The following GUCY1A2 variants were observed in gnomAD, a reference collection of about 807,000 sequenced individuals.
GUCY1A2 encodes the protein guanylate cyclase 1 soluble subunit alpha 2, also known as guanylate cyclase soluble subunit alpha-2.
A neutral mutation model predicts 63.5 loss-of-function variants in GUCY1A2; 27 were observed. The ratio of observed to expected loss-of-function variants is 0.43; its 90% CI spans 0.31 to 0.59. GUCY1A2 has a LOEUF of 0.59. Ranked by LOEUF, GUCY1A2 falls within the 20% of genes least tolerant of loss-of-function variation. The pLI, the probability that GUCY1A2 is intolerant of heterozygous loss-of-function variation, is 0.11. For missense variants in GUCY1A2, 768 were observed against 913.3 expected (o/e 0.84, Z 2.05); for synonymous variants, 364 against 343.5 (o/e 1.06, Z -0.66).
chr11:106,903,107 GATAAA>G (rs1257237548), intron 4 of GUCY1A2, among the ~76,000 whole-genome samples: 2 of 150,454 alleles, frequency 1.3e-5, no homozygotes, highest in African/African-American at 4.8e-5. Flanking sequence ...AACTTCTAAG[GATAAA>G]ATAAATATGT....
chr11:106,997,484 G>A (rs1441099472), intron 1 of GUCY1A2, among the ~76,000 whole-genome samples: 6 of 152,036 alleles, frequency 3.9e-5, no homozygotes, highest in Admixed American at 3.9e-4. Context: ...TCTAACACAG[G>A]CCTATGTTGT....
At chr11:106,700,180 T>A (rs1453884059) in intron 7 of GUCY1A2, among the ~76,000 whole-genome samples, 1 of 152,098 alleles carries the variant, frequency 6.6e-6, no homozygotes, top group Non-Finnish European at 1.5e-5. Flanking sequence ...CCTTTAAGAG[T>A]AAGCTAATAG....
chr11:106,957,117 G>A (rs975871663), intron 3 of GUCY1A2, among the ~76,000 whole-genome samples: 4 of 152,182 alleles, frequency 2.6e-5, no homozygotes, highest in African/African-American at 7.2e-5. Context: ...GGAGCAAGTC[G>A]TCCAGCCTCC....
intron 1 of GUCY1A2, among the ~76,000 whole-genome samples, chr11:107,012,972 C>G (rs558423607): frequency 1.3e-5 from 2 of 149,372 alleles, no homozygotes; most frequent in African/African-American, 4.9e-5. Context: ...TGTCAGAGAG[C>G]TCATTTTATT....
chr11:106,998,797 TAA>T (rs5794514), intron 1 of GUCY1A2, among the ~76,000 whole-genome samples: 12 of 149,876 alleles, frequency 8.0e-5, no homozygotes, highest in East Asian at 2.0e-4. Flanking sequence ...AATAGTTCAT[TAA>T]AAAAAAAACA....
chr11:106,874,195 T>C (rs1318418049), intron 4 of GUCY1A2, among the ~76,000 whole-genome samples: 1 of 152,172 alleles, frequency 6.6e-6, no homozygotes, highest in Non-Finnish European at 1.5e-5. Context: ...ATACATATTA[T>C]ATAGTGCACT....
intron 3 of GUCY1A2, among the ~76,000 whole-genome samples, chr11:106,965,118 G>A (rs992606364): frequency 6.6e-6 from 1 of 151,888 alleles, no homozygotes; most frequent in Non-Finnish European, 1.5e-5. Flanking sequence ...TTTAATGGAA[G>A]ATGTGTCACA....
rs973461562 is a variant in GUCY1A2, at chr11:106,687,209, T to G, written c.*340A>C. On this transcript the variant is annotated 3_prime_UTR_variant, in exon 8 of 8. Coordinates refer to ENST00000526355, the MANE Select transcript of GUCY1A2 (RefSeq NM_000855.3). ...GGCTCTCAAAAGTGGTACAAATATA[T>G]AGGGAAAGATACTTGTATGTGTGAT... 3.8e-6 allele frequency: 1 copy of G among 262,492 alleles called. No individual in the cohort carries two copies. Among genetic ancestry groups the G allele is most frequent in the Non-Finnish European group, 7.3e-6 (1 of 136,638 alleles). The allele number at this position is 262,492 out of a possible 1,614,324, so 16.3% of individuals were successfully genotyped here. A position where few individuals can be genotyped will look rare whatever the true frequency, so the allele number is the denominator to read the frequency against.
intron 4 of GUCY1A2, among the ~76,000 whole-genome samples, chr11:106,835,866 T>G (rs1348972484): frequency 6.6e-6 from 1 of 151,724 alleles, no homozygotes; most frequent in Non-Finnish European, 1.5e-5. Context: ...TAAAAGTGCA[T>G]TACTGAAACA....
At chr11:106,827,608 G>T in intron 4 of GUCY1A2, 1 of 1,506,744 alleles carries the variant, frequency 6.6e-7, no homozygotes, top group Non-Finnish European at 9.2e-7. Flanking sequence ...ACAATGCAGT[G>T]TTCTTCACTC....
chr11:106,752,863 G>A lies in GUCY1A2; in HGVS notation c.1836+23576C>T, dbSNP rs774079860. 1.5e-4 allele frequency among the ~76,000 whole-genome samples: 23 copies of A among 152,026 alleles called. 1 individual carries two copies. The highest frequency in any genetic ancestry group is 1.1e-3 in the Admixed American group (17 of 15,264). On this transcript the variant is annotated intron_variant, in intron 6 of 7. Coordinates refer to ENST00000526355, the MANE Select transcript of GUCY1A2 (RefSeq NM_000855.3). The stretch of plus-strand genomic sequence containing the variant: ...ATAGTAGCATGATTTATAATCCTTT[G>A]GGTAGACAGACAGTAATGAGATTGC...
intron 4 of GUCY1A2, among the ~76,000 whole-genome samples, chr11:106,881,498 C>T (rs1239661068): frequency 6.6e-6 from 1 of 151,922 alleles, no homozygotes; most frequent in Non-Finnish European, 1.5e-5. Flanking sequence ...GGTGTAGTAT[C>T]CTCATTAAAA....
chr11:106,818,565 T>C (rs978368766), intron 4 of GUCY1A2, among the ~76,000 whole-genome samples: 1 of 152,132 alleles, frequency 6.6e-6, no homozygotes, highest in Admixed American at 6.6e-5. Flanking sequence ...CAATGACCTC[T>C]AAGTGTTCAA....
chr11:106,871,752 C>T (rs929606547), intron 4 of GUCY1A2, among the ~76,000 whole-genome samples: 1 of 152,058 alleles, frequency 6.6e-6, no homozygotes, highest in African/African-American at 2.4e-5. Flanking sequence ...CACATTAACA[C>T]GATTTCTATT....
intron 4 of GUCY1A2, among the ~76,000 whole-genome samples, chr11:106,832,944 G>T (rs900807055): frequency 6.6e-6 from 1 of 152,038 alleles, no homozygotes; most frequent in African/African-American, 2.4e-5. Context: ...TGCTAGGGCT[G>T]CTGTAAGGAA....
rs973052935 is a variant in GUCY1A2, at chr11:106,677,337, A to G, written c.*10212T>C. ...TCATTTCACATTCATCAAGAATTTT[A>G]TTCATGAACACCAAACTCAACTGAT... On this transcript the variant is annotated 3_prime_UTR_variant, in exon 8 of 8. Coordinates refer to ENST00000526355, the MANE Select transcript of GUCY1A2 (RefSeq NM_000855.3). 1.9e-5 allele frequency: 4 copies of G among 214,430 alleles called. No homozygotes were observed. The highest frequency in any genetic ancestry group is 9.0e-5 in the African/African-American group (4 of 44,360). 13.3% of individuals were successfully genotyped at this position (214,430 alleles called of 1,614,324 possible).
chr11:106,956,245 T>A (rs376630088), intron 3 of GUCY1A2, among the ~76,000 whole-genome samples: 3 of 152,022 alleles, frequency 2.0e-5, no homozygotes, highest in Non-Finnish European at 4.4e-5. Context: ...TAGCTCATCA[T>A]AGTTTTTTAT....
chr11:106,962,641 G>A (rs1026208170), intron 3 of GUCY1A2, among the ~76,000 whole-genome samples: 1 of 151,364 alleles, frequency 6.6e-6, no homozygotes, highest in African/African-American at 2.4e-5. Flanking sequence ...AAATCACATA[G>A]ACAGAATACC....
chr11:106,682,857 T>A lies in GUCY1A2; in HGVS notation c.*4692A>T. On this transcript the variant is annotated 3_prime_UTR_variant, in exon 8 of 8. Transcript: ENST00000526355. Reference sequence around the variant, plus strand: ...AAGAAAACAAGGGATGGAAGAACAGTCATACGCAGGTTTCAATTGTTTGGA... The same window carrying A: ...AAGAAAACAAGGGATGGAAGAACAGACATACGCAGGTTTCAATTGTTTGGA... 1 of 216,140 alleles carries A rather than the reference T, an allele frequency of 4.6e-6. No individual in the cohort carries two copies. Among genetic ancestry groups the A allele is most frequent in the Non-Finnish European group, 9.3e-6 (1 of 107,112 alleles). 13.4% of individuals were successfully genotyped at this position (216,140 alleles called of 1,614,324 possible). A position where few individuals can be genotyped will look rare whatever the true frequency, so the allele number is the denominator to read the frequency against.
Sources: gnomAD v4.1 joint callset for allele counts (sites outside exome capture counted in the v4.1 genomes callset) on GRCh38, gnomAD v4.1.1 for gene constraint, MANE v1.5 for transcripts, NCBI Gene and HGNC (gene_info 2026-07-23, HGNC 2026-07-21) for gene names.